The following PPP3R1 variants were observed in gnomAD, a reference collection of about 807,000 sequenced individuals.
PPP3R1 encodes calcineurin subunit B type 1.
In PPP3R1, 5 loss-of-function variants were observed where a neutral mutation model predicts 22.6. The ratio of observed to expected loss-of-function variants is 0.22; its 90% CI spans 0.12 to 0.46. The LOEUF (loss-of-function observed/expected upper bound fraction) is 0.46, where lower values mean the gene tolerates loss of function less well. Ranked by LOEUF, PPP3R1 falls within the 20% of genes least tolerant of loss-of-function variation. PPP3R1 has a pLI of 0.99. For synonymous variants in PPP3R1, 56 were observed against 65.2 expected, an observed-to-expected ratio of 0.86 and a Z score of 0.68; for missense variants, 61 against 203.2, an observed-to-expected ratio of 0.30 and a Z score of 4.25.
chr2:68,230,009 CACAT>C (rs1203812241), intron 1 of PPP3R1, among the ~76,000 whole-genome samples: 18 of 135,184 alleles, frequency 1.3e-4, no homozygotes, highest in African/African-American at 4.9e-4. Flanking sequence ...CACACACACA[CACAT>C]ATATATTTGG....
At chr2:68,218,621 G>GT (rs3214785) in intron 1 of PPP3R1, among the ~76,000 whole-genome samples, 4 of 149,798 alleles carry the variant, frequency 2.7e-5, no homozygotes, top group Middle Eastern at 3.5e-3. Context: ...TTTTTTTAAT[G>GT]TTTTTTTTTC....
chr2:68,192,633 A>T (rs1388014398), intron 2 of PPP3R1, among the ~76,000 whole-genome samples: 4 of 152,154 alleles, frequency 2.6e-5, no homozygotes, highest in Admixed American at 6.6e-5. Flanking sequence ...AAATATTAAG[A>T]ATACTTGAAA....
chr2:68,207,148 C>CA (rs568296465), intron 2 of PPP3R1, among the ~76,000 whole-genome samples: 6 of 117,268 alleles, frequency 5.1e-5, no homozygotes, highest in Non-Finnish European at 9.1e-5. Context: ...TGTGGGTGAA[C>CA]AAAAAAAGTG....
chr2:68,193,498 T>A (rs1479660451), intron 2 of PPP3R1, among the ~76,000 whole-genome samples: 1 of 152,264 alleles, frequency 6.6e-6, no homozygotes, highest in East Asian at 1.9e-4. Context: ...TCCAGAATAT[T>A]TTTAAATGGC....
intron 1 of PPP3R1, among the ~76,000 whole-genome samples, chr2:68,225,043 C>T (rs557003348): frequency 2.2e-4 from 34 of 152,294 alleles, no homozygotes; most frequent in African/African-American, 8.2e-4. Flanking sequence ...AAAATGGACA[C>T]ACAAAGTGTA....
chr2:68,179,689 T>TA lies in PPP3R1; in HGVS notation c.*1273dup, dbSNP rs1674360964. ...ACAGTAGAACATGATACACTACTTT[T>TA]ATATCACACAAATTTATTAAGTTAT... On this transcript the variant is annotated 3_prime_UTR_variant, in exon 6 of 6. Transcript: ENST00000234310. 6.6e-6 allele frequency: 1 copy of TA among 152,226 alleles called. No individual in the cohort carries two copies. Among genetic ancestry groups the TA allele is most frequent in the East Asian group, 1.9e-4 (1 of 5,198 alleles). The allele number at this position is 152,226 out of a possible 1,614,324, so 9.4% of individuals were successfully genotyped here.
intron 1 of PPP3R1, among the ~76,000 whole-genome samples, chr2:68,228,003 TAAA>T (rs902589391): frequency 6.6e-6 from 1 of 152,188 alleles, no homozygotes; most frequent in Non-Finnish European, 1.5e-5. Context: ...AGCACTACGC[TAAA>T]AAGGGCAGAA....
chr2:68,210,855 G>T (rs925829477), intron 2 of PPP3R1, among the ~76,000 whole-genome samples: 29 of 152,282 alleles, frequency 1.9e-4, no homozygotes, highest in South Asian at 4.1e-4. Context: ...GCATGCAAAA[G>T]AAATGTTTTT....
At chr2:68,236,941 C>G (rs1292718970) in intron 1 of PPP3R1, among the ~76,000 whole-genome samples, 1 of 152,110 alleles carries the variant, frequency 6.6e-6, no homozygotes, top group Non-Finnish European at 1.5e-5. Flanking sequence ...ATGTTGGTAT[C>G]TAAAATTGGG....
chr2:68,199,089 G>A (rs530340941), intron 2 of PPP3R1, among the ~76,000 whole-genome samples: 4 of 152,098 alleles, frequency 2.6e-5, no homozygotes, highest in Admixed American at 2.0e-4. Context: ...TCAGCCTCCC[G>A]AGTAGCTAAG....
intron 1 of PPP3R1, among the ~76,000 whole-genome samples, chr2:68,235,884 C>T (rs898181708): frequency 6.6e-6 from 1 of 152,126 alleles, no homozygotes; most frequent in Non-Finnish European, 1.5e-5. Context: ...TATAACAATC[C>T]TAGTGGGTGT....
intron 1 of PPP3R1, among the ~76,000 whole-genome samples, chr2:68,220,057 AAAC>A (rs1669657576): frequency 6.6e-6 from 1 of 152,226 alleles, no homozygotes; most frequent in Non-Finnish European, 1.5e-5. Context: ...AAATTTTATC[AAAC>A]AACATTTATC....
At chr2:68,185,301 T>G (rs555842716) in intron 5 of PPP3R1, among the ~76,000 whole-genome samples, 2 of 150,140 alleles carry the variant, frequency 1.3e-5, no homozygotes, top group Non-Finnish European at 3.0e-5. Context: ...GTCTTCAATA[T>G]AGATAACAGC....
At chr2:68,187,335 T>G in intron 3 of PPP3R1, 21 bp from the exon 4 acceptor site, 1 of 1,595,052 alleles carries the variant, frequency 6.3e-7, no homozygotes, top group East Asian at 2.2e-5. Flanking sequence ...GTTAAAAATG[T>G]TCACAAATCA....
intron 1 of PPP3R1, among the ~76,000 whole-genome samples, chr2:68,238,197 G>A (rs1293482203): frequency 6.6e-6 from 1 of 151,932 alleles, no homozygotes; most frequent in Non-Finnish European, 1.5e-5. Context: ...CCACAACAGG[G>A]ATTAGATTTA....
At chr2:68,211,543 A>G (rs1669488144) in intron 2 of PPP3R1, among the ~76,000 whole-genome samples, 2 of 152,134 alleles carry the variant, frequency 1.3e-5, no homozygotes, top group Non-Finnish European at 2.9e-5. Flanking sequence ...TGGCTGTGAC[A>G]ATTTCTTAAA....
rs1674708422 is a variant in PPP3R1 at position 68,193,525 on chromosome 2, G to A, written c.44-4835C>T. Among the ~76,000 whole-genome samples the A allele has an allele frequency of 3.3e-5, 5 of 152,056 alleles. No homozygotes were observed. In the South Asian group the frequency reaches 1.0e-3, roughly 32 times the overall value. On this transcript the variant is annotated intron_variant, in intron 2 of 5. Transcript: ENST00000234310. ...TTAAATGGCCAGCTTGGAAAGCAAAGCCAGGAAAAAATTTTAAAGCCAAGA... is the reference window on the plus strand; with the variant it reads ...TTAAATGGCCAGCTTGGAAAGCAAAACCAGGAAAAAATTTTAAAGCCAAGA...
At chr2:68,211,415 A>AAAAAAAC (rs1342283371) in intron 2 of PPP3R1, among the ~76,000 whole-genome samples, 1 of 151,502 alleles carries the variant, frequency 6.6e-6, no homozygotes, top group Non-Finnish European at 1.5e-5. Context: ...TCAAAAAAAA[A>AAAAAAAC]AAAAAAAAAA....
chr2:68,182,521 T>G (rs80192760), intron 5 of PPP3R1, among the ~76,000 whole-genome samples: 2,173 of 151,996 alleles, frequency 0.014, 56 homozygotes, highest in African/African-American at 0.05. Context: ...TCATCAGAAA[T>G]TCAGCATTTT....
Sources: gnomAD v4.1 joint callset for allele counts (sites outside exome capture counted in the v4.1 genomes callset) on GRCh38, gnomAD v4.1.1 for gene constraint, MANE v1.5 for transcripts, NCBI Gene and HGNC (gene_info 2026-07-23, HGNC 2026-07-21) for gene names.